The following IL1RAPL1 variants were observed in gnomAD, a reference collection of about 807,000 sequenced individuals.
IL1RAPL1 encodes the protein interleukin 1 receptor accessory protein like 1, also known as interleukin-1 receptor accessory protein-like 1.
Under a neutral mutation model 48.4 loss-of-function variants are expected in IL1RAPL1, and 3 were observed. That is an observed-to-expected ratio of 0.06 (90% confidence interval 0.03 to 0.16). The LOEUF is 0.16. Among genes scored for constraint, IL1RAPL1 ranks in the 10% least tolerant of loss-of-function variants. The pLI is 1.00. For missense variants in IL1RAPL1, 349 were observed against 530.6 expected (o/e 0.66, Z 3.36); for synonymous variants, 185 against 187.7 (o/e 0.99, Z 0.12).
At chrX:28,760,318 C>T (rs182302030) in intron 1 of IL1RAPL1, among the ~76,000 whole-genome samples, 174 of 111,894 alleles carry the variant, frequency 1.6e-3, no homozygotes, top group African/African-American at 5.3e-3. Flanking sequence ...CCTAACTCTC[C>T]TTGATTTTTA....
At chrX:28,852,619 G>A (rs1921691917) in intron 2 of IL1RAPL1, among the ~76,000 whole-genome samples, 1 of 111,309 alleles carries the variant, frequency 9.0e-6, no homozygotes, top group Non-Finnish European at 1.9e-5. Context: ...TTTACACATG[G>A]AAATAACTCA....
chrX:29,400,163 G>A (rs1395047632), intron 5 of IL1RAPL1, among the ~76,000 whole-genome samples: 1 of 111,822 alleles, frequency 8.9e-6, no homozygotes, highest in African/African-American at 3.3e-5. Flanking sequence ...AAGGACATGA[G>A]GACAAGATTC....
chrX:28,973,888 G>A (rs1028422545), intron 2 of IL1RAPL1, among the ~76,000 whole-genome samples: 3 of 112,134 alleles, frequency 2.7e-5, no homozygotes, highest in Non-Finnish European at 3.8e-5. Context: ...GATAAACCAC[G>A]TACTTTCCCT....
chrX:29,850,607 C>T (rs1362415455), intron 6 of IL1RAPL1, among the ~76,000 whole-genome samples: 1 of 112,284 alleles, frequency 8.9e-6, no homozygotes. Flanking sequence ...GTGTGGGTGG[C>T]GACTGTGGAA....
At chrX:29,296,596 C>T (rs1374339887) in intron 3 of IL1RAPL1, among the ~76,000 whole-genome samples, 2 of 109,263 alleles carry the variant, frequency 1.8e-5, no homozygotes, top group African/African-American at 6.7e-5. Flanking sequence ...ACTTTCAGTA[C>T]CACCATACCT....
At chrX:28,683,815 C>T (rs985144257) in intron 1 of IL1RAPL1, among the ~76,000 whole-genome samples, 1 of 112,074 alleles carries the variant, frequency 8.9e-6, no homozygotes, top group Non-Finnish European at 1.9e-5. Context: ...GCCCTTCTGT[C>T]TTCAAAGCCA....
chrX:29,077,215 G>A (rs1340860812), intron 2 of IL1RAPL1, among the ~76,000 whole-genome samples: 1 of 112,333 alleles, frequency 8.9e-6, no homozygotes, highest in Non-Finnish European at 1.9e-5. Context: ...TTATTCTATT[G>A]GGGAGTACAC....
intron 5 of IL1RAPL1, among the ~76,000 whole-genome samples, chrX:29,496,261 C>T (rs751360191): frequency 1.7e-4 from 19 of 110,418 alleles, no homozygotes; most frequent in East Asian, 5.6e-4. Flanking sequence ...TTAAATTATA[C>T]GGTGATATAG....
chrX:28,740,531 GGTGGTACAT>G (rs769508787), intron 1 of IL1RAPL1, among the ~76,000 whole-genome samples: 5 of 110,709 alleles, frequency 4.5e-5, no homozygotes, highest in Non-Finnish European at 7.6e-5. Context: ...TTTAGGTTCA[GGTGGTACAT>G]GTGCAGGTTT....
At chrX:29,354,425 T>C (rs1478149571) in intron 3 of IL1RAPL1, among the ~76,000 whole-genome samples, 2 of 112,039 alleles carry the variant, frequency 1.8e-5, no homozygotes, top group Non-Finnish European at 1.9e-5. Context: ...ACCTTAAACA[T>C]GTTCAGCACA....
chrX:29,422,306 G>A (rs1432731780), intron 5 of IL1RAPL1, among the ~76,000 whole-genome samples: 2 of 111,321 alleles, frequency 1.8e-5, no homozygotes, highest in African/African-American at 6.5e-5. Flanking sequence ...GCTTCCTCCT[G>A]GCTTGAGAGA....
At chrX:29,604,154 G>A (rs1192641442) in intron 5 of IL1RAPL1, among the ~76,000 whole-genome samples, 5 of 112,067 alleles carry the variant, frequency 4.5e-5, no homozygotes, top group Admixed American at 3.8e-4. Flanking sequence ...TGTTAAAGAT[G>A]TACAAATGAT....
At chrX:28,596,071 T>C (rs1275295445) in intron 1 of IL1RAPL1, among the ~76,000 whole-genome samples, 1 of 111,444 alleles carries the variant, frequency 9.0e-6, no homozygotes, top group Non-Finnish European at 1.9e-5. Flanking sequence ...CCTGCTGGTC[T>C]TGTATTTCCA....
intron 2 of IL1RAPL1, among the ~76,000 whole-genome samples, chrX:28,994,274 G>A (rs758817518): frequency 9.0e-6 from 1 of 111,425 alleles, no homozygotes; most frequent in East Asian, 2.8e-4. Context: ...AAGAGTTAAG[G>A]GATGGAGTTA....
At chrX:29,361,270 G>A (rs1252652405) in intron 3 of IL1RAPL1, among the ~76,000 whole-genome samples, 2 of 111,005 alleles carry the variant, frequency 1.8e-5, no homozygotes, top group African/African-American at 6.5e-5. Context: ...AATTGGAGAC[G>A]GGCACCAAAA....
chrX:29,545,209 A>G (rs907370681), intron 5 of IL1RAPL1, among the ~76,000 whole-genome samples: 1 of 108,303 alleles, frequency 9.2e-6, no homozygotes, highest in Non-Finnish European at 1.9e-5. Context: ...CTATCTATCT[A>G]TCTATCTATC....
At chrX:28,737,249 T>G (rs1031993058) in intron 1 of IL1RAPL1, among the ~76,000 whole-genome samples, 1 of 98,776 alleles carries the variant, frequency 1.0e-5, no homozygotes, top group Non-Finnish European at 2.0e-5. Flanking sequence ...CTTTCTTTCT[T>G]TCTTTCTTTC....
intron 5 of IL1RAPL1, among the ~76,000 whole-genome samples, chrX:29,483,265 A>T (rs758870037): frequency 1.8e-5 from 2 of 112,043 alleles, no homozygotes; most frequent in East Asian, 5.6e-4. Context: ...AAGCCTCTTG[A>T]TCTCAGAATG....
chrX:28,657,026 CAA>C (rs766745553), intron 1 of IL1RAPL1, among the ~76,000 whole-genome samples: 35 of 38,423 alleles, frequency 9.1e-4, no homozygotes, highest in South Asian at 2.8e-3. Context: ...GACTCTACCT[CAA>C]AAAAAAAAAA....
Sources: gnomAD v4.1 joint callset for allele counts (sites outside exome capture counted in the v4.1 genomes callset) on GRCh38, gnomAD v4.1.1 for gene constraint, MANE v1.5 for transcripts, NCBI Gene and HGNC (gene_info 2026-07-23, HGNC 2026-07-21) for gene names.